Variants in DNAH12 observed in about 807,000 individuals in gnomAD.
DNAH12 encodes axonemal beta dynein heavy chain 12.
DNAH12 carries 285 observed loss-of-function variants against 371.5 expected under a neutral mutation model. That is an observed-to-expected ratio of 0.77 (90% confidence interval 0.70 to 0.85). The LOEUF is 0.85. DNAH12 is among the 40% of genes least tolerant of loss of function. The pLI, the probability that DNAH12 is intolerant of heterozygous loss-of-function variation, is 0.00. For synonymous variants in DNAH12, 1,200 were observed against 1,213.0 expected (o/e 0.99, Z 0.22); for missense variants, 3,611 against 3,689.4 (o/e 0.98, Z 0.55).
chr3:57,471,738 TA>T lies in DNAH12; in HGVS notation c.1777-133del, dbSNP rs1343609017. 20 of 701,796 alleles carry T rather than the reference TA, an allele frequency of 2.8e-5. No individual in the cohort carries two copies. In the African/African-American group the frequency reaches 3.4e-4, roughly 12 times the overall value. 43.5% of individuals were successfully genotyped at this position (701,796 alleles called of 1,614,324 possible). ...ATGAGTACAAAAATAAAACAATGCC[TA>T]TAATTACTAATATAAAAATGCAAAG... On this transcript the variant is annotated intron_variant, in intron 14 of 73. Coordinates refer to ENST00000495027, the MANE Select transcript of DNAH12 (RefSeq NM_001366028.2).
intron 22 of DNAH12, 36 bp downstream of exon 22, chr3:57,457,685 G>A: frequency 6.7e-7 from 1 of 1,503,456 alleles, no homozygotes. Flanking sequence ...AGCATTTGCA[G>A]AATATAGGGT....
chr3:57,359,218 A>T (rs949984955), intron 58 of DNAH12, among the ~76,000 whole-genome samples: 11 of 152,358 alleles, frequency 7.2e-5, no homozygotes, highest in African/African-American at 2.4e-4. Flanking sequence ...TTTAAAAATC[A>T]TTTACCATTA....
chr3:57,316,066 A>T (rs2061678389), intron 65 of DNAH12, among the ~76,000 whole-genome samples: 1 of 152,174 alleles, frequency 6.6e-6, no homozygotes, highest in African/African-American at 2.4e-5. Context: ...GATATTCTAA[A>T]AACTAGATAT....
intron 29 of DNAH12, among the ~76,000 whole-genome samples, chr3:57,438,956 GACATACACACAC>G (rs371373630): frequency 0.013 from 1,437 of 112,478 alleles, 23 homozygotes; most frequent in African/African-American, 0.038. Flanking sequence ...ATTTACAATA[GACATACACACAC>G]ACATACACAC....
chr3:57,501,237 T>C (rs1205850027), intron 11 of DNAH12, 84 bp downstream of exon 11: 6 of 962,024 alleles, frequency 6.2e-6, no homozygotes, highest in Non-Finnish European at 9.4e-6. Flanking sequence ...AAATTCTATT[T>C]AAGCATTTAC....
intron 2 of DNAH12, chr3:57,530,459 A>T: frequency 1.4e-6 from 1 of 716,978 alleles, no homozygotes. Context: ...TACATGCCAG[A>T]TGCTTGCCCT....
chr3:57,361,444 C>CACTATATA (rs1409626573), intron 58 of DNAH12, among the ~76,000 whole-genome samples: 57 of 116,686 alleles, frequency 4.9e-4, no homozygotes, highest in East Asian at 1.8e-3. Flanking sequence ...CACACACACA[C>CACTATATA]TATATATATA....
Position 57,352,191 on chromosome 3 carries a change from A to G in DNAH12, c.9568T>C (p.Tyr3190His), listed in dbSNP as rs1449760877. ...KSKILEKRLR[Y>H]LNDHFTYNLY... The stretch of plus-strand genomic sequence containing the variant: ...TTGTATGTGAAGTGGTCATTTAAAT[A>G]TCGTAGGCGCTTTTCCAAAATCTTG... The change falls in exon 60 of 74, where the codon TAT (tyrosine) becomes CAT (histidine). Residue 3190 changes from tyrosine to histidine, a missense_variant. Coordinates refer to ENST00000495027, the MANE Select transcript of DNAH12 (RefSeq NM_001366028.2). 5 of 1,539,640 alleles carry G rather than the reference A, an allele frequency of 3.2e-6. No homozygotes were observed. The African/African-American group carries it at 4.1e-5, about 13-fold the overall frequency.
chr3:57,478,861 G>C (rs1489991579), intron 13 of DNAH12, among the ~76,000 whole-genome samples: 1 of 152,066 alleles, frequency 6.6e-6, no homozygotes, highest in East Asian at 1.9e-4. Context: ...ATACTTTACA[G>C]ACAAGCAAAT....
upstream of DNAH12, among the ~76,000 whole-genome samples, chr3:57,548,176 G>A (rs756628768): frequency 1.3e-5 from 2 of 152,104 alleles, no homozygotes; most frequent in African/African-American, 4.8e-5. Flanking sequence ...AGACACATCA[G>A]ACTTTTAGGA....
At chr3:57,416,056 G>T (rs1292126504) in intron 37 of DNAH12, among the ~76,000 whole-genome samples, 6 of 152,040 alleles carry the variant, frequency 3.9e-5, no homozygotes, top group African/African-American at 1.4e-4. Context: ...CCAAAGTGCT[G>T]GGATTACAGG....
At chr3:57,442,643 A>T in intron 29 of DNAH12, among the ~76,000 whole-genome samples, 1 of 152,226 alleles carries the variant, frequency 6.6e-6, no homozygotes, top group East Asian at 1.9e-4. Context: ...CTATTTTTCC[A>T]ACTGGAATCT....
intron 39 of DNAH12, among the ~76,000 whole-genome samples, chr3:57,411,339 C>A (rs2064194053): frequency 6.6e-6 from 1 of 151,726 alleles, no homozygotes; most frequent in African/African-American, 2.4e-5. Flanking sequence ...ACCAGCCTAG[C>A]CAACATGGTG....
intron 4 of DNAH12, among the ~76,000 whole-genome samples, chr3:57,513,523 A>G (rs2068075976): frequency 7.0e-6 from 1 of 142,074 alleles, no homozygotes; most frequent in Admixed American, 7.1e-5. Flanking sequence ...AAAAAATACT[A>G]CTAAACTGTA....
At chr3:57,421,861 T>C (rs920189199) in intron 35 of DNAH12, 155 bp from the exon 36 acceptor site, 4 of 649,352 alleles carry the variant, frequency 6.2e-6, no homozygotes, top group East Asian at 2.8e-5. Flanking sequence ...CTAAGCCACA[T>C]AGTCATTTCT....
chr3:57,294,846 A>C (rs553581637), intron 73 of DNAH12, among the ~76,000 whole-genome samples: 1 of 152,250 alleles, frequency 6.6e-6, no homozygotes, highest in Admixed American at 6.5e-5. Context: ...CACGTTTCTC[A>C]TAGTTATAAC....
At chr3:57,449,470 G>A (rs866118680) in intron 25 of DNAH12, among the ~76,000 whole-genome samples, 1 of 152,358 alleles carries the variant, frequency 6.6e-6, no homozygotes, top group African/African-American at 2.4e-5. Context: ...ATGGCGGGCT[G>A]CAGGTCCCGA....
Position 57,446,251 on chromosome 3 carries a change from G to T in DNAH12, c.3959C>A (p.Ser1320Tyr). 3 of 1,551,668 alleles carry T rather than the reference G, an allele frequency of 1.9e-6. No individual in the cohort carries two copies. The highest frequency in any genetic ancestry group is 2.6e-6 in the Non-Finnish European group (3 of 1,146,922). ...ATCAAAGCAAGCCCAAGCACCAGAAGAAGCCAGTCCTTTAAAAAACTAAGG... is the reference window on the plus strand; with the variant it reads ...ATCAAAGCAAGCCCAAGCACCAGAATAAGCCAGTCCTTTAAAAAACTAAGG... ...AMGKFFKGLASSGAWACFDEF... is the reference protein window; with the variant it reads ...AMGKFFKGLAYSGAWACFDEF... The change falls in exon 27 of 74, where the codon TCT becomes TAT. Residue 1320 changes from serine to tyrosine, a missense_variant. Physicochemically the swap from Ser to Tyr is moderately radical, Grantham distance 144 (BLOSUM62 -2). Transcript: ENST00000495027.
intron 13 of DNAH12, among the ~76,000 whole-genome samples, chr3:57,474,459 G>A (rs1384287467): frequency 1.3e-5 from 2 of 152,034 alleles, no homozygotes; most frequent in East Asian, 1.9e-4. Context: ...ACCACGCCCA[G>A]CTAACTTTTT....
Sources: gnomAD v4.1 joint callset for allele counts (sites outside exome capture counted in the v4.1 genomes callset) on GRCh38, gnomAD v4.1.1 for gene constraint, MANE v1.5 for transcripts, NCBI Gene and HGNC (gene_info 2026-07-23, HGNC 2026-07-21) for gene names.